SETD5: variants seen among roughly 807,000 people sequenced by gnomAD.
SETD5 encodes histone-lysine N-methyltransferase SETD5.
A neutral mutation model predicts 153.3 loss-of-function variants in SETD5; 44 were observed. That is an observed-to-expected ratio of 0.29 (90% CI 0.23 to 0.37). The LOEUF (loss-of-function observed/expected upper bound fraction) is 0.37. SETD5 is among the 10% of genes least tolerant of loss of function. The pLI, the probability that SETD5 is intolerant of heterozygous loss-of-function variation, is 1.00. For synonymous variants in SETD5, 716 were observed against 645.2 expected, an observed-to-expected ratio of 1.11 and a Z score of -1.66; for missense variants, 1,544 against 1,768.0, an observed-to-expected ratio of 0.87 and a Z score of 2.27.
rs1305719813 is a variant in SETD5 at position 9,397,660 on chromosome 3, CGCCGCCGCCGCCGCCGCCGCCGCCGCT to C, written c.-489_-463del. The stretch of plus-strand genomic sequence containing the variant: ...AGCGGGCTGAGTGAGCTGCCGCCGC[CGCCGCCGCCGCCGCCGCCGCCGCCGCT>C]GCCGGGGGAGGGGCGGCCGCCGCCC... On this transcript the variant is annotated 5_prime_UTR_variant, in exon 1 of 23. Coordinates refer to ENST00000402198, the MANE Select transcript of SETD5 (RefSeq NM_001080517.3). 3 of 173,232 alleles carry C rather than the reference CGCCGCCGCCGCCGCCGCCGCCGCCGCT, an allele frequency of 1.7e-5. No homozygotes were observed. The highest frequency in any genetic ancestry group is 7.5e-5 in the African/African-American group (3 of 40,230). The allele number at this position is 173,232 out of a possible 1,614,324, so 10.7% of individuals were successfully genotyped here.
chr3:9,437,784 C>T (rs1026286418), intron 7 of SETD5, among the ~76,000 whole-genome samples: 2 of 152,088 alleles, frequency 1.3e-5, no homozygotes, highest in Non-Finnish European at 2.9e-5. Flanking sequence ...AAGTGGATCA[C>T]CTGAGGTCAG....
chr3:9,431,718 G>T (rs1246068148), intron 3 of SETD5: 15 of 985,500 alleles, frequency 1.5e-5, no homozygotes, highest in Non-Finnish European at 1.6e-5. Flanking sequence ...ACTTGCACAT[G>T]AAGTGCATAT....
At chr3:9,416,225 T>G (rs141315409) in intron 1 of SETD5, among the ~76,000 whole-genome samples, 97 of 152,302 alleles carry the variant, frequency 6.4e-4, no homozygotes, top group African/African-American at 2.3e-3. Context: ...TCTAAGAGAT[T>G]GCTCACTAAA....
chr3:9,441,629 C>T lies in SETD5; in HGVS notation c.847C>T (p.Arg283Trp), dbSNP rs2041308105. ...LGRVTRVQKH[R>W]KILRAARDLA... ...AAGAGTCACTCGTGTTCAAAAGCAC[C>T]GGAAGATCCTGAGGGCTGCAAGAGA... The change falls in exon 9 of 23, where the codon CGG becomes TGG. Residue 283 changes from arginine (R) to tryptophan (W), a missense_variant. Coordinates refer to ENST00000402198, the MANE Select transcript of SETD5 (RefSeq NM_001080517.3). 2.5e-6 allele frequency: 4 copies of T among 1,613,774 alleles called. No individual in the cohort carries two copies. The highest frequency in any genetic ancestry group is 3.4e-6 in the Non-Finnish European group (4 of 1,179,818).
chr3:9,398,224 TC>T (rs912889248), intron 1 of SETD5: 5 of 151,484 alleles, frequency 3.3e-5, no homozygotes, highest in Admixed American at 6.6e-5. Context: ...TTCATGTTTT[TC>T]CTGGGTCAGG....
intron 18 of SETD5, among the ~76,000 whole-genome samples, chr3:9,470,006 C>A (rs1393805397): frequency 6.6e-6 from 1 of 152,162 alleles, no homozygotes; most frequent in African/African-American, 2.4e-5. Flanking sequence ...TTCCCTTCCC[C>A]CCACCTTCCA....
intron 1 of SETD5, among the ~76,000 whole-genome samples, chr3:9,422,327 C>T (rs2038532484): frequency 6.6e-6 from 1 of 152,018 alleles, no homozygotes; most frequent in Non-Finnish European, 1.5e-5. Flanking sequence ...TGATAGATGC[C>T]AATATTTAAC....
In SETD5 at chr3:9,441,568, ATGTTAT is replaced by A; in HGVS notation, c.811-22_811-17del. On this transcript the variant is annotated intron_variant, in intron 8 of 22. Transcript: ENST00000402198. ...ACTAAGGTGTTCTTGCTGTTGTTTAATGTTATTGCTCTGGTTTTATTCAGTTACAGC... is the reference window on the plus strand; with the variant it reads ...ACTAAGGTGTTCTTGCTGTTGTTTAATGCTCTGGTTTTATTCAGTTACAGC... 1 of 1,611,610 alleles carries A rather than the reference ATGTTAT, an allele frequency of 6.2e-7. No homozygotes were observed. Among genetic ancestry groups the A allele is most frequent in the Non-Finnish European group, 8.5e-7 (1 of 1,177,992 alleles).
chr3:9,463,273 C>G (rs1319266728), intron 17 of SETD5, among the ~76,000 whole-genome samples: 1 of 152,180 alleles, frequency 6.6e-6, no homozygotes, highest in Non-Finnish European at 1.5e-5. Flanking sequence ...CTGCCTGCCT[C>G]AGCCTCCCAA....
intron 1 of SETD5, among the ~76,000 whole-genome samples, chr3:9,406,494 G>A (rs1356269672): frequency 6.6e-6 from 1 of 152,068 alleles, no homozygotes; most frequent in Non-Finnish European, 1.5e-5. Flanking sequence ...TGTAATCCCA[G>A]CTACTTGGGA....
At chr3:9,452,183 G>A (rs538287786) in intron 16 of SETD5, among the ~76,000 whole-genome samples, 4 of 152,182 alleles carry the variant, frequency 2.6e-5, no homozygotes, top group Non-Finnish European at 5.9e-5. Context: ...GATCCAGAAT[G>A]TAAATTATTT....
rs2041796427 is a variant in SETD5 at position 9,445,241 on chromosome 3, A to G, written c.1381A>G (p.Asn461Asp). The change falls in exon 12 of 23, where the codon AAT becomes GAT. Residue 461 changes from asparagine to aspartate, a missense_variant. Asn to Asp is a conservative substitution (Grantham distance 23, BLOSUM62 1). Around this residue, in one of 9 missense-constraint regions of SETD5, gnomAD observed 782 missense variants for 787.2 expected, o/e 0.99. Transcript: ENST00000402198. Reference sequence around the variant, plus strand: ...GCAGCAGAATGAGGCTTCAGAGGAGAATAATGACCAGCAATCACAAGAAGT... The same window carrying G: ...GCAGCAGAATGAGGCTTCAGAGGAGGATAATGACCAGCAATCACAAGAAGT... The part of the protein sequence containing the change: ...MEQQNEASEE[N>D]NDQQSQEVPE... 2.3e-5 allele frequency: 37 copies of G among 1,612,054 alleles called. No individual in the cohort carries two copies. The highest frequency in any genetic ancestry group is 3.1e-5 in the Non-Finnish European group (37 of 1,178,846).
At chr3:9,426,435 C>A (rs1425159719) in intron 2 of SETD5, among the ~76,000 whole-genome samples, 1 of 149,386 alleles carries the variant, frequency 6.7e-6, no homozygotes, top group Non-Finnish European at 1.5e-5. Flanking sequence ...CTCACTCTGT[C>A]GCCCAAGCTG....
intron 3 of SETD5, among the ~76,000 whole-genome samples, chr3:9,432,799 G>A (rs1374303242): frequency 6.6e-6 from 1 of 152,140 alleles, no homozygotes; most frequent in African/African-American, 2.4e-5. Context: ...CATTGCGCTT[G>A]AATAGTTTAT....
At chr3:9,447,612 T>A in intron 14 of SETD5, 74 bp from the exon 15 acceptor site, 1 of 1,483,450 alleles carries the variant, frequency 6.7e-7, no homozygotes. Flanking sequence ...TCTGAATGCT[T>A]AAAGTGAATA....
intron 3 of SETD5, chr3:9,429,844 C>T: frequency 7.7e-7 from 1 of 1,303,610 alleles, no homozygotes; most frequent in Non-Finnish European, 1.0e-6. Flanking sequence ...GTGGAAGCCC[C>T]CTACCTTTCA....
chr3:9,435,994 T>C (rs2040518875), intron 7 of SETD5, 88 bp downstream of exon 7: 1 of 1,323,272 alleles, frequency 7.6e-7, no homozygotes. Context: ...TTTTAAGAAG[T>C]TTGATCCAGG....
Position 9,447,933 on chromosome 3 carries a change from C to T in SETD5, c.2030C>T (p.Ser677Phe), listed in dbSNP as rs1352355513. 6.2e-7 allele frequency: 1 copy of T among 1,613,946 alleles called. No individual in the cohort carries two copies. The highest frequency in any genetic ancestry group is 1.1e-5 in the South Asian group (1 of 91,076). Residue 677 changes from serine (S) to phenylalanine (F), a missense_variant, in exon 15 of 23, where the codon TCT becomes TTT. Ser to Phe is a radical substitution (Grantham distance 155, BLOSUM62 -2). Transcript: ENST00000402198. ...GGAGAAAACAGGCCATTAACAGGGTCTGACCCAACTGTGGTGTCAATTACT... is the reference window on the plus strand; with the variant it reads ...GGAGAAAACAGGCCATTAACAGGGTTTGACCCAACTGTGGTGTCAATTACT... Reference protein sequence around the residue: ...SSGENRPLTGSDPTVVSITGS... With the variant: ...SSGENRPLTGFDPTVVSITGS...
At chr3:9,425,543 G>C (rs1359888289) in intron 2 of SETD5, among the ~76,000 whole-genome samples, 1 of 137,094 alleles carries the variant, frequency 7.3e-6, no homozygotes, top group Non-Finnish European at 1.6e-5. Context: ...ATCATCTTGG[G>C]TTTATAACTT....
Sources: allele counts gnomAD v4.1 joint callset (sites outside exome capture counted in the v4.1 genomes callset), GRCh38; gene constraint gnomAD v4.1.1; regional missense constraint gnomAD v4.1.1; transcripts MANE v1.5; gene names NCBI Gene and HGNC (gene_info 2026-07-23, HGNC 2026-07-21).